The following WWOX variants were observed in gnomAD, a reference collection of about 807,000 sequenced individuals.
WWOX encodes WW domain containing oxidoreductase.
In WWOX, 69 loss-of-function variants were observed where a neutral mutation model predicts 46.2. The observed-to-expected ratio is 1.49, with a 90% CI of 1.23 to 1.82. WWOX has a LOEUF of 1.82. Among genes scored for constraint, WWOX ranks in the 40% most tolerant of loss-of-function variants. WWOX has a pLI of 0.00. For missense variants in WWOX, 919 were observed against 542.6 expected, an observed-to-expected ratio of 1.69 and a Z score of -6.89; for synonymous variants, 359 against 202.6, an observed-to-expected ratio of 1.77 and a Z score of -6.56.
intron 5 of WWOX, among the ~76,000 whole-genome samples, chr16:78,318,378 G>T (rs1001713087): frequency 6.6e-6 from 1 of 150,460 alleles, no homozygotes; most frequent in Non-Finnish European, 1.5e-5. Context: ...AGGAGAGGTT[G>T]CTGTGAGCCG....
intron 8 of WWOX, among the ~76,000 whole-genome samples, chr16:78,627,811 T>G (rs556157153): frequency 6.6e-6 from 1 of 152,216 alleles, no homozygotes; most frequent in East Asian, 1.9e-4. Context: ...TTTCAGGGTG[T>G]TGGGCTCTGA....
At chr16:78,739,766 G>T (rs527426617) in intron 8 of WWOX, among the ~76,000 whole-genome samples, 6 of 152,074 alleles carry the variant, frequency 3.9e-5, no homozygotes, top group Non-Finnish European at 2.9e-5. Context: ...AGCCGAGATC[G>T]TACCATTGCA....
At chr16:78,529,493 G>T (rs2043566682) in intron 8 of WWOX, among the ~76,000 whole-genome samples, 1 of 152,060 alleles carries the variant, frequency 6.6e-6, no homozygotes, top group East Asian at 1.9e-4. Context: ...TTGAGATGGA[G>T]TCTTGCACTG....
chr16:78,484,354 A>C (rs755043702), intron 8 of WWOX, among the ~76,000 whole-genome samples: 4 of 152,090 alleles, frequency 2.6e-5, no homozygotes, highest in Non-Finnish European at 5.9e-5. Flanking sequence ...AAGTATACCT[A>C]TTCCCCAGAG....
At position 78,505,248 on chromosome 16, in the gene WWOX, A is replaced by T. The variant is rs188500629; in HGVS notation, c.1056+72496A>T. Among the ~76,000 whole-genome samples, 902 of 152,248 alleles carry T rather than the reference A, an allele frequency of 5.9e-3. 13 individuals carry two copies. Among genetic ancestry groups the T allele is most frequent in the African/African-American group, 0.021 (869 of 41,526 alleles). The stretch of plus-strand genomic sequence containing the variant: ...CCTCTAGAATGCCTGGAGTGAGAAA[A>T]CAGAATATTGTTCTTTTCTGTTTAT... On this transcript the variant is annotated intron_variant, in intron 8 of 8. Coordinates refer to ENST00000566780, the MANE Select transcript of WWOX (RefSeq NM_016373.4).
At chr16:78,504,314 A>T (rs2085140184) in intron 8 of WWOX, among the ~76,000 whole-genome samples, 1 of 152,224 alleles carries the variant, frequency 6.6e-6, no homozygotes, top group Non-Finnish European at 1.5e-5. Flanking sequence ...AAACTAAAGA[A>T]GATTGTTTTT....
intron 8 of WWOX, among the ~76,000 whole-genome samples, chr16:78,435,982 A>G (rs1291311180): frequency 6.6e-6 from 1 of 152,172 alleles, no homozygotes; most frequent in Non-Finnish European, 1.5e-5. Flanking sequence ...GGCTAATAGA[A>G]CTGAGGAAGT....
At chr16:79,020,468 C>G (rs548705494) in intron 8 of WWOX, among the ~76,000 whole-genome samples, 2 of 152,306 alleles carry the variant, frequency 1.3e-5, no homozygotes, top group Middle Eastern at 3.4e-3. Context: ...TCATGATAGT[C>G]TCTGTCCCAG....
At chr16:78,702,126 A>ATATATT (rs1208763103) in intron 8 of WWOX, among the ~76,000 whole-genome samples, 2 of 133,040 alleles carry the variant, frequency 1.5e-5, no homozygotes, top group Middle Eastern at 3.9e-3. Flanking sequence ...ATATATATTT[A>ATATATT]TTTATTTTCA....
At chr16:79,092,951 C>G (rs1301185515) in intron 8 of WWOX, among the ~76,000 whole-genome samples, 1 of 152,112 alleles carries the variant, frequency 6.6e-6, no homozygotes, top group East Asian at 1.9e-4. Flanking sequence ...ATATAGAATG[C>G]TATTTTCTAG....
At chr16:78,992,444 G>A (rs865959836) in intron 8 of WWOX, among the ~76,000 whole-genome samples, 24 of 152,172 alleles carry the variant, frequency 1.6e-4, no homozygotes, top group African/African-American at 5.5e-4. Context: ...TCCAGCCTGG[G>A]CAAAAGAGTG....
At chr16:78,776,915 C>T (rs1399558210) in intron 8 of WWOX, among the ~76,000 whole-genome samples, 2 of 152,242 alleles carry the variant, frequency 1.3e-5, no homozygotes, top group Admixed American at 6.5e-5. Flanking sequence ...CAGGTCTCTC[C>T]CCTAACATGT....
At chr16:79,163,919 G>A (rs1274731185) in intron 8 of WWOX, among the ~76,000 whole-genome samples, 1 of 150,062 alleles carries the variant, frequency 6.7e-6, no homozygotes, top group Middle Eastern at 3.5e-3. Context: ...GGCTGTATCT[G>A]TCGAGTTGCT....
At chr16:78,120,506 C>T (rs1351789878) in intron 4 of WWOX, among the ~76,000 whole-genome samples, 1 of 151,150 alleles carries the variant, frequency 6.6e-6, no homozygotes, top group Admixed American at 6.6e-5. Context: ...GGAAGTGGAG[C>T]TTGCAGTGAG....
chr16:79,097,262 G>T (rs1039532781), intron 8 of WWOX, among the ~76,000 whole-genome samples: 1 of 151,770 alleles, frequency 6.6e-6, no homozygotes, highest in South Asian at 2.1e-4. Flanking sequence ...AGGCCCTCAT[G>T]CCTAGCTGTT....
At chr16:78,916,686 C>G (rs895830246) in intron 8 of WWOX, among the ~76,000 whole-genome samples, 9 of 152,164 alleles carry the variant, frequency 5.9e-5, no homozygotes, top group African/African-American at 1.7e-4. Flanking sequence ...GGCACAATAT[C>G]TCAGACTTGA....
chr16:78,298,014 T>G (rs2079969848), intron 5 of WWOX, among the ~76,000 whole-genome samples: 1 of 152,190 alleles, frequency 6.6e-6, no homozygotes, highest in African/African-American at 2.4e-5. Context: ...TCATGAGATC[T>G]GATGGTTTTG....
chr16:78,647,825 C>T (rs1397484486), intron 8 of WWOX, among the ~76,000 whole-genome samples: 1 of 152,188 alleles, frequency 6.6e-6, no homozygotes, highest in Non-Finnish European at 1.5e-5. Context: ...CTGGTTATGT[C>T]AAGTGGAATA....
intron 8 of WWOX, among the ~76,000 whole-genome samples, chr16:78,787,884 C>G (rs959543045): frequency 3.3e-5 from 5 of 152,068 alleles, no homozygotes; most frequent in Admixed American, 2.6e-4. Context: ...ATTTGCATTT[C>G]CCTCATGATT....
Sources: gnomAD v4.1 joint callset for allele counts (sites outside exome capture counted in the v4.1 genomes callset) on GRCh38, gnomAD v4.1.1 for gene constraint, MANE v1.5 for transcripts, NCBI Gene and HGNC (gene_info 2026-07-23, HGNC 2026-07-21) for gene names.